The following KHDRBS2 variants were observed in gnomAD, a reference collection of about 807,000 sequenced individuals.
KHDRBS2 encodes KH domain-containing, RNA-binding, signal transduction-associated protein 2.
Under a neutral mutation model 44.3 loss-of-function variants are expected in KHDRBS2, and 26 were observed. The observed-to-expected ratio is 0.59, with a 90% CI of 0.43 to 0.81. The LOEUF (loss-of-function observed/expected upper bound fraction) is 0.81, where lower values mean the gene tolerates loss of function less well. Ranked by LOEUF, KHDRBS2 falls within the 40% of genes least tolerant of loss-of-function variation. The pLI, the probability that KHDRBS2 is intolerant of heterozygous loss-of-function variation, is 0.00. For missense variants in KHDRBS2, 476 were observed against 433.1 expected (o/e 1.10, Z -0.88); for synonymous variants, 194 against 151.1 (o/e 1.28, Z -2.08).
intron 2 of KHDRBS2, among the ~76,000 whole-genome samples, chr6:62,150,249 G>A (rs1814845069): frequency 6.6e-6 from 1 of 151,486 alleles, no homozygotes; most frequent in African/African-American, 2.4e-5. Flanking sequence ...TATTTTTGCT[G>A]CCACCATGTG....
intron 6 of KHDRBS2, among the ~76,000 whole-genome samples, chr6:61,769,452 C>G (rs1426128506): frequency 6.6e-6 from 1 of 152,134 alleles, no homozygotes; most frequent in African/African-American, 2.4e-5. Context: ...AAAATCGGGT[C>G]ACTCCCACCC....
chr6:61,735,643 C>G (rs573662850), intron 6 of KHDRBS2, among the ~76,000 whole-genome samples: 1 of 152,118 alleles, frequency 6.6e-6, no homozygotes, highest in Non-Finnish European at 1.5e-5. Flanking sequence ...CTGTTTTGTA[C>G]ACCATTCCAC....
chr6:62,063,158 G>A (rs1326024318), intron 2 of KHDRBS2, among the ~76,000 whole-genome samples: 2 of 105,542 alleles, frequency 1.9e-5, no homozygotes, highest in Non-Finnish European at 4.3e-5. Context: ...ACCAAAAAGA[G>A]TCCAGGACCA....
At chr6:61,857,762 C>T (rs1357607786) in intron 6 of KHDRBS2, among the ~76,000 whole-genome samples, 2 of 151,872 alleles carry the variant, frequency 1.3e-5, no homozygotes, top group Non-Finnish European at 2.9e-5. Flanking sequence ...GACTATAAAT[C>T]ATTCGTGGCA....
intron 4 of KHDRBS2, among the ~76,000 whole-genome samples, chr6:61,968,606 G>T (rs1170008264): frequency 2.0e-5 from 3 of 152,046 alleles, no homozygotes; most frequent in Non-Finnish European, 4.4e-5. Flanking sequence ...AGTTGTCTAT[G>T]TAACCATAAA....
chr6:62,169,132 TAC>T lies in KHDRBS2; in HGVS notation c.219+8051_219+8052del, dbSNP rs1227817905. On this transcript the variant is annotated intron_variant, in intron 2 of 8. Transcript: ENST00000281156. Reference sequence around the variant, plus strand: ...ACATATATGTGTGTATATATACATATACACACATATATGTGTGTATATATACG... The same window carrying T: ...ACATATATGTGTGTATATATACATATACACATATATGTGTGTATATATACG... 1.8e-4 allele frequency among the ~76,000 whole-genome samples: 23 copies of T among 127,192 alleles called. No individual in the cohort carries two copies. The South Asian group carries it at 1.9e-3, about 11-fold the overall frequency. 83.4% of individuals were successfully genotyped at this position (127,192 alleles called of 152,430 possible). A position where few individuals can be genotyped will look rare whatever the true frequency, so the allele number is the denominator to read the frequency against.
chr6:62,097,139 TG>T (rs1562849032), intron 2 of KHDRBS2, among the ~76,000 whole-genome samples: 1 of 151,902 alleles, frequency 6.6e-6, no homozygotes, highest in Non-Finnish European at 1.5e-5. Flanking sequence ...ACTTACTTTA[TG>T]GTTTTCCATA....
intron 7 of KHDRBS2, among the ~76,000 whole-genome samples, chr6:61,709,834 T>A (rs978993609): frequency 6.6e-6 from 1 of 151,700 alleles, no homozygotes; most frequent in Admixed American, 6.6e-5. Context: ...TAATTTTAAC[T>A]ATATCACGTG....
intron 2 of KHDRBS2, among the ~76,000 whole-genome samples, chr6:62,055,956 T>G (rs1351420837): frequency 6.6e-6 from 1 of 151,970 alleles, no homozygotes; most frequent in Non-Finnish European, 1.5e-5. Flanking sequence ...TTGCAAATCT[T>G]TCCTCAAACT....
chr6:62,123,814 G>T (rs1808299923), intron 2 of KHDRBS2, among the ~76,000 whole-genome samples: 1 of 152,094 alleles, frequency 6.6e-6, no homozygotes, highest in Non-Finnish European at 1.5e-5. Context: ...TGGGACCTGT[G>T]GACACTTATG....
intron 6 of KHDRBS2, among the ~76,000 whole-genome samples, chr6:61,827,262 C>T (rs1791031622): frequency 6.6e-6 from 1 of 152,178 alleles, no homozygotes; most frequent in Non-Finnish European, 1.5e-5. Flanking sequence ...CCCTCTCTTC[C>T]TCTAGGTTAC....
At chr6:61,759,909 G>C (rs1185024074) in intron 6 of KHDRBS2, among the ~76,000 whole-genome samples, 2 of 152,144 alleles carry the variant, frequency 1.3e-5, no homozygotes, top group Non-Finnish European at 2.9e-5. Flanking sequence ...TGTGTTTTAA[G>C]CCTGGCCAGA....
chr6:61,627,184 C>T, the KHDRBS2 span, among the ~76,000 whole-genome samples: 16 of 138,036 alleles, frequency 1.2e-4, no homozygotes, highest in South Asian at 3.9e-3. Flanking sequence ...ACCTGGGAGG[C>T]GGAGCTTGCA....
intron 6 of KHDRBS2, among the ~76,000 whole-genome samples, chr6:61,822,345 T>A (rs574483180): frequency 6.6e-6 from 1 of 152,092 alleles, no homozygotes; most frequent in East Asian, 1.9e-4. Context: ...ACCTCCTCCC[T>A]TTGTATATCC....
In KHDRBS2 at chr6:61,894,697, C is replaced by T. The variant is rs758414467; in HGVS notation, c.748G>A (p.Ala250Thr). Residue 250 changes from alanine to threonine, a missense_variant, in exon 6 of 9, where the codon GCA becomes ACA. Physicochemically the swap from Ala to Thr is moderately conservative, Grantham distance 58. Coordinates refer to ENST00000281156, the MANE Select transcript of KHDRBS2 (RefSeq NM_152688.4). Reference protein sequence around the residue: ...RGVPTPRARGAPTVPGYRAPP... With the variant: ...RGVPTPRARGTPTVPGYRAPP... ...GCCCTGTATCCTGGCACTGTTGGTG[C>T]CCCCCGGGCTCGAGGGGTAGGGACA... 7.4e-6 allele frequency: 12 copies of T among 1,612,490 alleles called. No individual in the cohort carries two copies. Among genetic ancestry groups the T allele is most frequent in the South Asian group, 1.1e-5 (1 of 90,868 alleles).
At chr6:62,015,683 C>A (rs1280365614) in intron 3 of KHDRBS2, among the ~76,000 whole-genome samples, 2 of 152,088 alleles carry the variant, frequency 1.3e-5, no homozygotes, top group African/African-American at 4.8e-5. Flanking sequence ...AAGCAGTCTG[C>A]AGAGATGGCA....
chr6:61,716,670 T>A (rs1382864765), intron 7 of KHDRBS2, among the ~76,000 whole-genome samples: 1 of 152,058 alleles, frequency 6.6e-6, no homozygotes, highest in Admixed American at 6.6e-5. Flanking sequence ...CCACTCCTTA[T>A]TGCATACTTT....
At chr6:62,034,289 C>T (rs1472840229) in intron 3 of KHDRBS2, among the ~76,000 whole-genome samples, 1 of 151,798 alleles carries the variant, frequency 6.6e-6, no homozygotes, top group African/African-American at 2.4e-5. Context: ...AGTATTCCAA[C>T]AAACAGAGGA....
At chr6:61,997,278 AC>A (rs1453844190) in intron 3 of KHDRBS2, among the ~76,000 whole-genome samples, 1 of 152,138 alleles carries the variant, frequency 6.6e-6, no homozygotes, top group African/African-American at 2.4e-5. Context: ...AATAACTATC[AC>A]CCTATTGATT....
Sources: allele counts gnomAD v4.1 joint callset (sites outside exome capture counted in the v4.1 genomes callset), GRCh38; gene constraint gnomAD v4.1.1; transcripts MANE v1.5; gene names NCBI Gene and HGNC (gene_info 2026-07-23, HGNC 2026-07-21).